Variants in KRT82 observed in about 807,000 individuals in gnomAD.
KRT82 encodes keratin 82, also known as keratin, type II cuticular Hb2.
A neutral mutation model predicts 48.0 loss-of-function variants in KRT82; 44 were observed. The ratio of observed to expected loss-of-function variants is 0.92; its 90% CI spans 0.72 to 1.18. The LOEUF is 1.18. Ranked by LOEUF, KRT82 falls within the 50% of genes most tolerant of loss-of-function variation. The probability of loss-of-function intolerance (pLI) is 0.00; values close to 1 mark genes in which losing one functional copy is unlikely to be tolerated. For missense variants in KRT82, 701 were observed against 671.4 expected, an observed-to-expected ratio of 1.04 and a Z score of -0.49; for synonymous variants, 297 against 278.3, an observed-to-expected ratio of 1.07 and a Z score of -0.67.
At chr12:52,397,176 T>C in intron 5 of KRT82, among the ~76,000 whole-genome samples, 168 bp from the exon 6 acceptor site, 1 of 152,200 alleles carries the variant, frequency 6.6e-6, no homozygotes, top group South Asian at 2.1e-4. Context: ...CAATTTTGGG[T>C]CCTTTATGTG....
At chr12:52,400,362 T>C (rs567575115) in intron 4 of KRT82, among the ~76,000 whole-genome samples, 165 bp downstream of exon 4, 19 of 152,364 alleles carry the variant, frequency 1.2e-4, no homozygotes, top group Non-Finnish European at 2.2e-4. Context: ...AGCCATGGCC[T>C]GGATGATCCA....
chr12:52,395,549 G>A (rs1939701180), intron 8 of KRT82, among the ~76,000 whole-genome samples: 1 of 151,568 alleles, frequency 6.6e-6, no homozygotes. Flanking sequence ...TGAAGCACTT[G>A]GACCATGTTG....
rs765996344 is a variant in KRT82, at chr12:52,395,007, C to G, written c.1510G>C (p.Ala504Pro). The G allele has an allele frequency of 1.9e-6, 3 of 1,613,678 alleles. No individual in the cohort carries two copies. The highest frequency in any genetic ancestry group is 2.5e-6 in the Non-Finnish European group (3 of 1,179,972). The change falls in exon 9 of 9, where the codon GCT becomes CCT. Residue 504 changes from alanine to proline, a missense_variant. By Grantham distance (27) the Ala-to-Pro change is conservative (BLOSUM62 -1). Transcript: ENST00000257974. ...TTGTGGCTGGGGGAGCTGCCCCCAG[C>G]TCCTAGCGTCATGCTGGATTTCCGC... ...SGRKSSMTLG[A>P]GGSSPSHKH
intron 4 of KRT82, 29 bp from the exon 5 acceptor site, chr12:52,400,178 T>C: frequency 6.3e-7 from 1 of 1,597,036 alleles, no homozygotes; most frequent in Non-Finnish European, 8.6e-7. Flanking sequence ...TGAGAAGGAG[T>C]GAGCTCTCTG....
rs1238947237 is a variant in KRT82 at position 52,400,151 on chromosome 12, T to C, written c.778-2A>G. On this transcript the variant is annotated splice_acceptor_variant, in intron 4 of 8. Coordinates refer to ENST00000257974, the MANE Select transcript of KRT82 (RefSeq NM_033033.4). LOFTEE classifies it high-confidence loss of function. ...CTGAGACTGGAGCAGGCAGATCTCC[T>C]GGGGGCAGGGCCCATGTGAGAAGGA... 1 of 1,612,262 alleles carries C rather than the reference T, an allele frequency of 6.2e-7. No homozygotes were observed. Among genetic ancestry groups the C allele is most frequent in the Admixed American group, 1.7e-5 (1 of 59,998 alleles).
At chr12:52,398,083 CA>C (rs1398671719) in intron 5 of KRT82, among the ~76,000 whole-genome samples, 2 of 152,096 alleles carry the variant, frequency 1.3e-5, no homozygotes, top group Admixed American at 1.3e-4. Flanking sequence ...ACAAAAATAA[CA>C]GCAACAGAAA....
rs144174481 is a variant in KRT82 at position 52,403,769 on chromosome 12, G to A, written c.552C>T (p.Ser184=). 24 of 1,613,412 alleles carry A rather than the reference G, an allele frequency of 1.5e-5. No homozygotes were observed. Among genetic ancestry groups the A allele is most frequent in the South Asian group, 2.2e-5 (2 of 91,068 alleles). ...CTGACTCTAGCCTCACGCGGTCCCC[G>A]GACACACAGTCCAGCTGCCGCCGAA... The part of the protein sequence containing the change: ...SALRRQLDCV[S]GDRVRLESEL... The change falls in exon 2 of 9, where the codon TCC becomes TCT. Residue 184 remains serine (S), a synonymous_variant. Coordinates refer to ENST00000257974, the MANE Select transcript of KRT82 (RefSeq NM_033033.4).
At chr12:52,400,923 G>A (rs1384263595) in intron 3 of KRT82, among the ~76,000 whole-genome samples, 4 of 152,222 alleles carry the variant, frequency 2.6e-5, no homozygotes, top group Admixed American at 6.5e-5. Flanking sequence ...AGGAACCATC[G>A]CAATTGTATT....
intron 1 of KRT82, among the ~76,000 whole-genome samples, chr12:52,404,353 T>C (rs1209178042): frequency 5.9e-5 from 9 of 152,190 alleles, no homozygotes; most frequent in African/African-American, 1.9e-4. Context: ...GGTCGAGGCT[T>C]TCCTTTATGA....
intron 2 of KRT82, among the ~76,000 whole-genome samples, chr12:52,401,837 C>T (rs1005109238): frequency 1.3e-5 from 2 of 152,188 alleles, no homozygotes; most frequent in African/African-American, 4.8e-5. Flanking sequence ...ACAGAGACAG[C>T]CAGGCTATTT....
chr12:52,395,971 AC>A, intron 7 of KRT82, 40 bp downstream of exon 7: 1 of 1,612,578 alleles, frequency 6.2e-7, no homozygotes, highest in Non-Finnish European at 8.5e-7. Context: ...TAATGGCCAT[AC>A]CTGGTAGCCC....
intron 7 of KRT82, 89 bp downstream of exon 7, chr12:52,395,923 G>A (rs976381480): frequency 1.9e-6 from 3 of 1,565,438 alleles, no homozygotes; most frequent in African/African-American, 1.4e-5. Flanking sequence ...GTAGGGGACG[G>A]GGTGAGAGAT....
chr12:52,400,531 T>A lies in KRT82; in HGVS notation c.773A>T (p.Glu258Val), dbSNP rs1939774578. Residue 258 changes from glutamate to valine, a missense_variant, in exon 4 of 9, where the codon GAG (glutamate) becomes GTG (valine). Glu to Val is a moderately radical substitution (Grantham distance 121). Coordinates refer to ENST00000257974, the MANE Select transcript of KRT82 (RefSeq NM_033033.4). ...CAAGGTCAGGGCTGTGGGTACCTCC[T>A]CATACAGGCTTTTCAGGAAGTCGAT... ...QEIDFLKSLY[E>V]EEICLLQSQI... The A allele has an allele frequency of 6.2e-7, 1 of 1,613,194 alleles. No individual in the cohort carries two copies. Among genetic ancestry groups the A allele is most frequent in the African/African-American group, 1.3e-5 (1 of 74,906 alleles).
At chr12:52,398,073 A>G (rs1939737931) in intron 5 of KRT82, among the ~76,000 whole-genome samples, 1 of 152,166 alleles carries the variant, frequency 6.6e-6, no homozygotes, top group African/African-American at 2.4e-5. Flanking sequence ...CAAACAAAAA[A>G]CAAAAATAAC....
intron 5 of KRT82, among the ~76,000 whole-genome samples, chr12:52,398,116 A>G (rs2658660): frequency 2.6e-5 from 4 of 152,010 alleles, no homozygotes; most frequent in African/African-American, 9.7e-5. Context: ...CAAATAGAAC[A>G]CTGCTTTTAT....
In KRT82 at chr12:52,395,998, C is replaced by T. The variant is rs1194543300; in HGVS notation, c.1289+14G>A. Reference sequence around the variant, plus strand: ...CTGGTAGCCCATCTTTGACCCCCTCCTGGAGGAGCTCACCTGTGCTCTTCA... The same window carrying T: ...CTGGTAGCCCATCTTTGACCCCCTCTTGGAGGAGCTCACCTGTGCTCTTCA... On this transcript the variant is annotated intron_variant, in intron 7 of 8. Coordinates refer to ENST00000257974, the MANE Select transcript of KRT82 (RefSeq NM_033033.4). The T allele has an allele frequency of 1.2e-6, 2 of 1,613,802 alleles. No individual in the cohort carries two copies. Among genetic ancestry groups the T allele is most frequent in the Non-Finnish European group, 1.7e-6 (2 of 1,179,976 alleles).
In KRT82 at chr12:52,396,967, G is replaced by T. The variant is rs1003732665; in HGVS notation, c.984C>A (p.Asn328Lys). The part of the protein sequence containing the change: ...LRVTAGNHCD[N>K]LRNRKNEILE... ...GGATCTCGTTCTTACGGTTGCGGAGGTTGTCACAGTGGTTCCCAGCTGTGA... is the reference window on the plus strand; with the variant it reads ...GGATCTCGTTCTTACGGTTGCGGAGTTTGTCACAGTGGTTCCCAGCTGTGA... The change falls in exon 6 of 9, where the codon AAC (asparagine) becomes AAA (lysine). Residue 328 changes from asparagine to lysine, a missense_variant. Coordinates refer to ENST00000257974, the MANE Select transcript of KRT82 (RefSeq NM_033033.4). 1.9e-6 allele frequency: 3 copies of T among 1,613,986 alleles called. No homozygotes were observed. Among genetic ancestry groups the T allele is most frequent in the Non-Finnish European group, 2.5e-6 (3 of 1,180,000 alleles).
chr12:52,396,746 C>T, intron 6 of KRT82, 137 bp downstream of exon 6: 1 of 954,666 alleles, frequency 1.0e-6, no homozygotes, highest in East Asian at 2.6e-5. Flanking sequence ...GGGCTTGCTT[C>T]TGCTTGAGCA....
chr12:52,402,568 G>A (rs2121480758), intron 2 of KRT82, among the ~76,000 whole-genome samples: 1 of 152,250 alleles, frequency 6.6e-6, no homozygotes, highest in South Asian at 2.1e-4. Flanking sequence ...ATCCTCCAAG[G>A]GCCAGAGCAA....
Sources: allele counts gnomAD v4.1 joint callset (sites outside exome capture counted in the v4.1 genomes callset), GRCh38; gene constraint gnomAD v4.1.1; transcripts MANE v1.5; gene names NCBI Gene and HGNC (gene_info 2026-07-23, HGNC 2026-07-21).